GSG1L: variants seen among roughly 807,000 people sequenced by gnomAD.
The protein encoded by GSG1L is germ cell-specific gene 1-like protein.
A neutral mutation model predicts 42.1 loss-of-function variants in GSG1L; 24 were observed. The observed-to-expected ratio is 0.57, with a 90% CI of 0.41 to 0.80. GSG1L has a LOEUF of 0.80. Among genes scored for constraint, GSG1L ranks in the 30% least tolerant of loss-of-function variants. GSG1L has a pLI of 0.00. For missense variants in GSG1L, 445 were observed against 472.2 expected (o/e 0.94, Z 0.53); for synonymous variants, 215 against 203.5 (o/e 1.06, Z -0.48).
chr16:28,013,406 C>A (rs2085747279), intron 1 of GSG1L, among the ~76,000 whole-genome samples: 2 of 142,468 alleles, frequency 1.4e-5, no homozygotes, highest in Admixed American at 1.4e-4. Flanking sequence ...GCCCCTGCCA[C>A]AGGAAGAGAA....
intron 3 of GSG1L, among the ~76,000 whole-genome samples, chr16:27,849,310 A>T (rs2083481138): frequency 6.6e-6 from 1 of 152,004 alleles, no homozygotes; most frequent in Non-Finnish European, 1.5e-5. Context: ...CCCACAGTGC[A>T]GTTTGGCTCT....
intron 2 of GSG1L, among the ~76,000 whole-genome samples, chr16:27,948,958 C>T (rs1375287427): frequency 5.9e-5 from 7 of 119,170 alleles, no homozygotes; most frequent in African/African-American, 2.4e-4. Flanking sequence ...CATTCTGTTA[C>T]CCAGACTGGA....
chr16:27,845,558 A>G (rs2083433745), intron 3 of GSG1L, among the ~76,000 whole-genome samples: 1 of 152,204 alleles, frequency 6.6e-6, no homozygotes, highest in Admixed American at 6.5e-5. Context: ...TCTAGTAAGA[A>G]GACCCAGCTG....
chr16:27,926,494 TC>T (rs1366273281), intron 2 of GSG1L, among the ~76,000 whole-genome samples: 1 of 148,542 alleles, frequency 6.7e-6, no homozygotes, highest in Non-Finnish European at 1.5e-5. Context: ...CATGGTGAAA[TC>T]CTATCTGTGC....
At chr16:27,902,907 C>T (rs756751095) in intron 2 of GSG1L, among the ~76,000 whole-genome samples, 21 of 152,136 alleles carry the variant, frequency 1.4e-4, no homozygotes, top group Non-Finnish European at 2.4e-4. Flanking sequence ...TATTGCTGCT[C>T]AATGTCGGGT....
At chr16:27,836,528 T>C (rs1438669112) in intron 4 of GSG1L, among the ~76,000 whole-genome samples, 1 of 152,166 alleles carries the variant, frequency 6.6e-6, no homozygotes, top group East Asian at 1.9e-4. Context: ...TCCTTAAGGC[T>C]CTGTACATTT....
At chr16:28,003,861 C>T (rs1243336248) in intron 1 of GSG1L, among the ~76,000 whole-genome samples, 1 of 152,116 alleles carries the variant, frequency 6.6e-6, no homozygotes, top group African/African-American at 2.4e-5. Context: ...GAAGCAGGGG[C>T]AACAAAGGGA....
intron 1 of GSG1L, among the ~76,000 whole-genome samples, chr16:28,020,221 C>T (rs550065785): frequency 3.7e-4 from 56 of 152,306 alleles, no homozygotes; most frequent in Non-Finnish European, 6.5e-4. Flanking sequence ...AGCAGACATG[C>T]AAAATGGCTA....
intron 2 of GSG1L, among the ~76,000 whole-genome samples, chr16:27,950,055 T>C (rs1190943738): frequency 6.6e-6 from 1 of 152,220 alleles, no homozygotes; most frequent in Admixed American, 6.5e-5. Context: ...TGTTGTCTTT[T>C]TTAACCCTAT....
chr16:27,970,996 T>C (rs1323930206), intron 1 of GSG1L, among the ~76,000 whole-genome samples: 1 of 152,258 alleles, frequency 6.6e-6, no homozygotes, highest in Non-Finnish European at 1.5e-5. Flanking sequence ...CTCTCAGTTC[T>C]ATTCCATTAA....
At chr16:28,041,092 G>T (rs2086100658) in intron 1 of GSG1L, among the ~76,000 whole-genome samples, 1 of 152,174 alleles carries the variant, frequency 6.6e-6, no homozygotes, top group Non-Finnish European at 1.5e-5. Flanking sequence ...AGCAATGGAA[G>T]AATTCCTCGC....
At chr16:27,853,413 C>T (rs889475010) in intron 3 of GSG1L, among the ~76,000 whole-genome samples, 1 of 152,186 alleles carries the variant, frequency 6.6e-6, no homozygotes, top group African/African-American at 2.4e-5. Flanking sequence ...AAAAGTTCCT[C>T]CTTACACATA....
chr16:27,815,641 T>C (rs1047927498), intron 5 of GSG1L, among the ~76,000 whole-genome samples: 3 of 152,034 alleles, frequency 2.0e-5, no homozygotes, highest in Admixed American at 1.3e-4. Flanking sequence ...CCTCCAGGGG[T>C]TGGGGCAGTG....
Position 27,854,406 on chromosome 16 carries a change from G to A in GSG1L, c.551-9345C>T, listed in dbSNP as rs147428572. 3.3e-5 allele frequency among the ~76,000 whole-genome samples: 5 copies of A among 152,088 alleles called. No homozygotes were observed. The East Asian group carries it at 9.7e-4, about 29-fold the overall frequency. On this transcript the variant is annotated intron_variant, in intron 3 of 6. Transcript: ENST00000447459. Reference sequence around the variant, plus strand: ...GGGATGGTTGGCCCCAAGAAGGAATGAGCTGCACTATGCAGATATGAGCAG... The same window carrying A: ...GGGATGGTTGGCCCCAAGAAGGAATAAGCTGCACTATGCAGATATGAGCAG...
At chr16:28,053,848 T>C (rs2086247438) in intron 1 of GSG1L, among the ~76,000 whole-genome samples, 1 of 152,182 alleles carries the variant, frequency 6.6e-6, no homozygotes, top group Non-Finnish European at 1.5e-5. Context: ...TGCATCTCTG[T>C]CCGGGTGTGC....
intron 5 of GSG1L, among the ~76,000 whole-genome samples, chr16:27,820,245 T>G (rs963494436): frequency 5.3e-5 from 8 of 152,080 alleles, no homozygotes; most frequent in Non-Finnish European, 1.2e-4. Context: ...TCTTCTAATA[T>G]GGGGGCCCTC....
At chr16:27,988,119 T>G (rs1473261975) in intron 1 of GSG1L, among the ~76,000 whole-genome samples, 1 of 152,122 alleles carries the variant, frequency 6.6e-6, no homozygotes, top group Non-Finnish European at 1.5e-5. Context: ...AACACAAGTT[T>G]AAGTTTATAT....
intron 2 of GSG1L, among the ~76,000 whole-genome samples, chr16:27,922,571 C>T (rs1389746549): frequency 1.3e-5 from 2 of 152,150 alleles, no homozygotes; most frequent in African/African-American, 4.8e-5. Context: ...TCATCTCGTC[C>T]CTCTTTGTTC....
intron 2 of GSG1L, among the ~76,000 whole-genome samples, chr16:27,945,354 C>G (rs2084849545): frequency 6.6e-6 from 1 of 152,116 alleles, no homozygotes; most frequent in South Asian, 2.1e-4. Context: ...AACCTCTGCC[C>G]TCACCGCCAG....
Sources: gnomAD v4.1 joint callset for allele counts (sites outside exome capture counted in the v4.1 genomes callset) on GRCh38, gnomAD v4.1.1 for gene constraint, MANE v1.5 for transcripts, NCBI Gene and HGNC (gene_info 2026-07-23, HGNC 2026-07-21) for gene names.